ACVR2A: variants seen among roughly 807,000 people sequenced by gnomAD.
ACVR2A encodes activin A receptor type 2A, also known as activin receptor type-2A.
In ACVR2A, 7 loss-of-function variants were observed where a neutral mutation model predicts 61.4. The observed-to-expected ratio is 0.11, with a 90% CI of 0.06 to 0.21. The LOEUF (loss-of-function observed/expected upper bound fraction) is 0.21, where lower values mean the gene tolerates loss of function less well. ACVR2A is among the 10% of genes least tolerant of loss of function. ACVR2A has a pLI of 1.00. For missense variants in ACVR2A, 322 were observed against 621.7 expected (o/e 0.52, Z 5.13); for synonymous variants, 193 against 208.3 (o/e 0.93, Z 0.63).
At chr2:147,869,495 T>A (rs773925041) in intron 1 of ACVR2A, among the ~76,000 whole-genome samples, 24 of 152,182 alleles carry the variant, frequency 1.6e-4, no homozygotes, top group Admixed American at 2.0e-4. Context: ...GGGAAACTGT[T>A]AGACAAGATT....
intron 1 of ACVR2A, among the ~76,000 whole-genome samples, chr2:147,889,778 T>TG (rs1255311242): frequency 1.3e-5 from 2 of 151,890 alleles, no homozygotes; most frequent in African/African-American, 4.8e-5. Context: ...TGCAGAGTTA[T>TG]GGTAAAACAT....
intron 1 of ACVR2A, among the ~76,000 whole-genome samples, chr2:147,845,951 A>G (rs910498461): frequency 1.3e-5 from 2 of 152,340 alleles, no homozygotes; most frequent in Admixed American, 6.5e-5. Context: ...TCGGTTTAGA[A>G]CAACCCATGT....
At chr2:147,901,386 C>G (rs1686868704) in intron 4 of ACVR2A, among the ~76,000 whole-genome samples, 1 of 151,932 alleles carries the variant, frequency 6.6e-6, no homozygotes, top group Non-Finnish European at 1.5e-5. Flanking sequence ...ATAGATAACA[C>G]TGATCTGTAT....
intron 1 of ACVR2A, among the ~76,000 whole-genome samples, chr2:147,877,004 T>G (rs1021333270): frequency 6.6e-6 from 1 of 150,662 alleles, no homozygotes; most frequent in Non-Finnish European, 1.5e-5. Context: ...TTAGTAAAGC[T>G]GCTGTGTCTC....
At chr2:147,926,567 C>T (rs541448385) in intron 10 of ACVR2A, among the ~76,000 whole-genome samples, 6 of 152,010 alleles carry the variant, frequency 3.9e-5, no homozygotes, top group South Asian at 2.1e-4. Context: ...CTTTTAATTT[C>T]GGCTTAGACT....
intron 1 of ACVR2A, among the ~76,000 whole-genome samples, chr2:147,883,617 CTG>C (rs530050535): frequency 7.2e-5 from 11 of 151,978 alleles, no homozygotes; most frequent in Non-Finnish European, 1.5e-4. Flanking sequence ...ATGAAAAAAA[CTG>C]TTGGTGATTA....
chr2:147,873,932 T>TA (rs1281055327), intron 1 of ACVR2A, among the ~76,000 whole-genome samples: 3 of 151,918 alleles, frequency 2.0e-5, no homozygotes, highest in African/African-American at 7.2e-5. Context: ...GATCAGCAGA[T>TA]AAAATTGATT....
chr2:147,881,482 AT>A (rs933504598), intron 1 of ACVR2A, among the ~76,000 whole-genome samples: 47 of 149,072 alleles, frequency 3.2e-4, no homozygotes, highest in African/African-American at 6.9e-4. Context: ...TGTGACTTGA[AT>A]TTTTTTTTTC....
Position 147,927,291 on chromosome 2 carries a change from G to T in ACVR2A, c.*17G>T. 1 of 1,595,906 alleles carries T rather than the reference G, an allele frequency of 6.3e-7. No individual in the cohort carries two copies. The highest frequency in any genetic ancestry group is 1.1e-5 in the South Asian group (1 of 88,120). On this transcript the variant is annotated 3_prime_UTR_variant, in exon 11 of 11. Transcript: ENST00000241416. The stretch of plus-strand genomic sequence containing the variant: ...AGTCTATGATGGTTGCGCCATCTGT[G>T]CACACTAAGAAATGGGACTCTGAAC...
At chr2:147,922,294 C>T (rs924933403) in intron 8 of ACVR2A, among the ~76,000 whole-genome samples, 1 of 151,960 alleles carries the variant, frequency 6.6e-6, no homozygotes, top group African/African-American at 2.4e-5. Context: ...AAGGATGGAG[C>T]GTTATGGACG....
chr2:147,913,029 G>A (rs893981415), intron 4 of ACVR2A, among the ~76,000 whole-genome samples: 1 of 151,606 alleles, frequency 6.6e-6, no homozygotes, highest in Admixed American at 6.6e-5. Context: ...TTAGAAACTT[G>A]TTAAACAGAG....
exon 1 of ACVR2A, chr2:147,845,027 TGGTC>T: frequency 4.1e-6 from 1 of 241,322 alleles, no homozygotes; most frequent in Middle Eastern, 1.4e-3. Context: ...TTTTTTTTTT[TGGTC>T]TGGGCTTCCG....
intron 1 of ACVR2A, among the ~76,000 whole-genome samples, chr2:147,891,453 G>A (rs998238723): frequency 4.0e-5 from 6 of 151,416 alleles, no homozygotes; most frequent in Non-Finnish European, 5.9e-5. Context: ...GTGGCAGACC[G>A]CACAACCTAT....
rs770512070 is a variant in ACVR2A, at chr2:147,927,157, A to C, written c.1425A>C (p.Val475=). 1.2e-6 allele frequency: 2 copies of C among 1,612,384 alleles called. No individual in the cohort carries two copies. Among genetic ancestry groups the C allele is most frequent in the East Asian group, 2.2e-5 (1 of 44,802 alleles). The change falls in exon 11 of 11, where the codon GTA becomes GTC. Residue 475 remains valine, a synonymous_variant. Coordinates refer to ENST00000241416, the MANE Select transcript of ACVR2A (RefSeq NM_001616.5). ...DAEARLSAGC[V]GERITQMQRL... is the part of the protein sequence containing the mutation. ...AAGCCAGGTTATCAGCTGGATGTGT[A>C]GGTGAAAGAATTACCCAGATGCAGA... is the stretch of plus-strand genomic sequence containing the variant.
rs1012984901 is a variant in ACVR2A at position 147,851,095 on chromosome 2, C to T, written c.55+5888C>T. Among the ~76,000 whole-genome samples, 57 of 152,090 alleles carry T rather than the reference C, an allele frequency of 3.7e-4. 1 individual carries two copies. Among genetic ancestry groups the T allele is most frequent in the Non-Finnish European group, 1.5e-5 (1 of 67,976 alleles). On this transcript the variant is annotated intron_variant, in intron 1 of 10. Transcript: ENST00000241416. ...CAGTTCCCTATCACTACTTCCTTTT[C>T]TTTCTAGTCCATCTGCATAGCTGCT...
chr2:147,888,089 A>G (rs56019057), intron 1 of ACVR2A, among the ~76,000 whole-genome samples: 1,671 of 152,238 alleles, frequency 0.011, 40 homozygotes, highest in African/African-American at 0.038. Context: ...TTTTCCATTG[A>G]ATTGCCTTTG....
At chr2:147,889,854 A>C (rs1468619522) in intron 1 of ACVR2A, among the ~76,000 whole-genome samples, 1 of 151,818 alleles carries the variant, frequency 6.6e-6, no homozygotes, top group Non-Finnish European at 1.5e-5. Flanking sequence ...TGAAGCAGTC[A>C]GTACTAGTCA....
chr2:147,858,146 C>A (rs961304262), intron 1 of ACVR2A, among the ~76,000 whole-genome samples: 1 of 152,176 alleles, frequency 6.6e-6, no homozygotes, highest in Non-Finnish European at 1.5e-5. Context: ...CTCTCGTTTG[C>A]TTTTATGGCC....
At position 147,927,487 on chromosome 2, in the gene ACVR2A, T is replaced by C; in HGVS notation, c.*213T>C. The stretch of plus-strand genomic sequence containing the variant: ...GAAGGACATGAGACTAAGAGAAACC[T>C]TGCAAACTCTATAAAGAAACTTTTG... On this transcript the variant is annotated 3_prime_UTR_variant, in exon 11 of 11. Transcript: ENST00000241416. The C allele has an allele frequency of 2.3e-6, 1 of 443,506 alleles. No homozygotes were observed. Among genetic ancestry groups the C allele is most frequent in the Non-Finnish European group, 3.9e-6 (1 of 256,262 alleles). 27.5% of individuals were successfully genotyped at this position (443,506 alleles called of 1,614,324 possible).
Sources: gnomAD v4.1 joint callset for allele counts (sites outside exome capture counted in the v4.1 genomes callset) on GRCh38, gnomAD v4.1.1 for gene constraint, MANE v1.5 for transcripts, NCBI Gene and HGNC (gene_info 2026-07-23, HGNC 2026-07-21) for gene names.